Variants in CNBD1 observed in about 807,000 individuals in gnomAD.
The protein encoded by CNBD1 is cyclic nucleotide-binding domain-containing protein 1.
Under a neutral mutation model 54.4 loss-of-function variants are expected in CNBD1, and 71 were observed. That is an observed-to-expected ratio of 1.30 (90% CI 1.08 to 1.59). The LOEUF is 1.59. Ranked by LOEUF, CNBD1 falls within the 40% of genes most tolerant of loss-of-function variation. CNBD1 has a pLI of 0.00. For synonymous variants in CNBD1, 182 were observed against 170.7 expected (o/e 1.07, Z -0.51); for missense variants, 659 against 518.0 (o/e 1.27, Z -2.64).
chr8:87,135,356 C>A (rs1269410762), intron 4 of CNBD1, among the ~76,000 whole-genome samples: 1 of 151,578 alleles, frequency 6.6e-6, no homozygotes, highest in East Asian at 1.9e-4. Flanking sequence ...AAAATGACTA[C>A]CTACTGAAAA....
intron 4 of CNBD1, among the ~76,000 whole-genome samples, chr8:87,204,464 G>A (rs182889471): frequency 6.6e-6 from 1 of 152,212 alleles, no homozygotes; most frequent in South Asian, 2.1e-4. Context: ...TTGCTACATG[G>A]GATGAGGAAG....
At chr8:87,289,023 G>A (rs1049240556) in intron 8 of CNBD1, among the ~76,000 whole-genome samples, 1 of 152,026 alleles carries the variant, frequency 6.6e-6, no homozygotes. Flanking sequence ...AATACTTCCT[G>A]ACTGTTTAGT....
intron 2 of CNBD1, among the ~76,000 whole-genome samples, chr8:87,414,007 C>A (rs1292517697): frequency 6.6e-6 from 1 of 152,000 alleles, no homozygotes; most frequent in Admixed American, 6.6e-5. Flanking sequence ...TTTGACCCAG[C>A]CATCCCATTA....
chr8:86,990,716 A>G (rs889909509), intron 4 of CNBD1, among the ~76,000 whole-genome samples: 3 of 152,056 alleles, frequency 2.0e-5, no homozygotes, highest in African/African-American at 7.2e-5. Context: ...TGCTTTTTCT[A>G]TTTTTGTGAA....
intron 4 of CNBD1, among the ~76,000 whole-genome samples, chr8:87,015,842 G>A (rs1235776108): frequency 6.6e-6 from 1 of 151,840 alleles, no homozygotes; most frequent in Non-Finnish European, 1.5e-5. Context: ...TTAGACTGGT[G>A]TGGTGGTGGG....
chr8:87,081,728 G>T (rs755028410), intron 4 of CNBD1, among the ~76,000 whole-genome samples: 5 of 151,790 alleles, frequency 3.3e-5, no homozygotes, highest in Non-Finnish European at 7.4e-5. Flanking sequence ...GGATGGTCTC[G>T]ATCTCTTGAC....
At chr8:87,005,754 G>C (rs1809085759) in intron 4 of CNBD1, among the ~76,000 whole-genome samples, 1 of 152,002 alleles carries the variant, frequency 6.6e-6, no homozygotes, top group Non-Finnish European at 1.5e-5. Context: ...GTTCTGAGGT[G>C]AGCTACTGGA....
chr8:87,394,013 C>T (rs1264008184), intron 2 of CNBD1, among the ~76,000 whole-genome samples: 1 of 151,762 alleles, frequency 6.6e-6, no homozygotes, highest in Non-Finnish European at 1.5e-5. Context: ...AGAAGAGAGT[C>T]CAATCAACTT....
chr8:86,993,416 G>A (rs79405040), intron 4 of CNBD1, among the ~76,000 whole-genome samples: 1,884 of 151,990 alleles, frequency 0.012, 30 homozygotes, highest in African/African-American at 0.036. Flanking sequence ...AATCTCAATG[G>A]GCTTCCTTTT....
chr8:86,955,250 G>A (rs1381570471), intron 4 of CNBD1, among the ~76,000 whole-genome samples: 1 of 152,088 alleles, frequency 6.6e-6, no homozygotes, highest in Non-Finnish European at 1.5e-5. Flanking sequence ...CATTTGGGAT[G>A]GTTCCAAGTC....
chr8:87,391,497 A>T (rs1313964216), intron 2 of CNBD1, among the ~76,000 whole-genome samples: 1 of 152,136 alleles, frequency 6.6e-6, no homozygotes, highest in African/African-American at 2.4e-5. Context: ...AAAAGAGTAG[A>T]CATGTGTAAC....
intron 6 of CNBD1, among the ~76,000 whole-genome samples, chr8:87,255,714 A>G (rs1365370076): frequency 6.6e-6 from 1 of 151,554 alleles, no homozygotes; most frequent in East Asian, 2.0e-4. Context: ...CAAACTGCCT[A>G]ACTTCCAACA....
At chr8:87,374,313 C>A (rs906435838) in intron 10 of CNBD1, among the ~76,000 whole-genome samples, 44 of 151,798 alleles carry the variant, frequency 2.9e-4, no homozygotes, top group African/African-American at 9.9e-4. Flanking sequence ...TTGATTTTCA[C>A]TCAATTTTTA....
intron 4 of CNBD1, among the ~76,000 whole-genome samples, chr8:86,980,690 C>T (rs1808467453): frequency 1.3e-5 from 2 of 152,038 alleles, no homozygotes; most frequent in Admixed American, 1.3e-4. Flanking sequence ...AAGGGATTTG[C>T]AAAAATCTCA....
chr8:87,274,406 A>G (rs1331543285), intron 6 of CNBD1, among the ~76,000 whole-genome samples: 14 of 143,958 alleles, frequency 9.7e-5, no homozygotes. Context: ...AAGTGTGCCT[A>G]TTTCTCCACA....
At chr8:87,338,475 G>GTTGTT (rs920000794) in intron 8 of CNBD1, among the ~76,000 whole-genome samples, 7 of 151,318 alleles carry the variant, frequency 4.6e-5, no homozygotes, top group South Asian at 4.2e-4. Context: ...TGTTGTTGTT[G>GTTGTT]TTGTTTTGTT....
intron 8 of CNBD1, among the ~76,000 whole-genome samples, chr8:87,321,723 T>A (rs1440835822): frequency 2.0e-5 from 3 of 152,126 alleles, no homozygotes; most frequent in Admixed American, 6.6e-5. Context: ...TTTTTGCTTT[T>A]TTGTGCCTGT....
chr8:86,993,524 A>G (rs75544385), intron 4 of CNBD1, among the ~76,000 whole-genome samples: 4,033 of 152,188 alleles, frequency 0.027, 187 homozygotes, highest in African/African-American at 0.093. Flanking sequence ...AGGTAAGGGG[A>G]CATTGTAGCT....
chr8:87,354,758 A>G (rs1810389767), intron 10 of CNBD1, among the ~76,000 whole-genome samples: 1 of 152,156 alleles, frequency 6.6e-6, no homozygotes, highest in Non-Finnish European at 1.5e-5. Context: ...ATGGCTGCAT[A>G]GTATTCCATG....
Sources: gnomAD v4.1 joint callset for allele counts (sites outside exome capture counted in the v4.1 genomes callset) on GRCh38, gnomAD v4.1.1 for gene constraint, MANE v1.5 for transcripts, NCBI Gene and HGNC (gene_info 2026-07-23, HGNC 2026-07-21) for gene names.